MTPN: variants seen among roughly 807,000 people sequenced by gnomAD.
MTPN encodes granule cell differentiation protein.
Under a neutral mutation model 13.5 loss-of-function variants are expected in MTPN, and 2 were observed. That is an observed-to-expected ratio of 0.15 (90% confidence interval 0.06 to 0.47). The LOEUF (loss-of-function observed/expected upper bound fraction) is 0.47, where lower values mean the gene tolerates loss of function less well. Ranked by LOEUF, MTPN falls within the 20% of genes least tolerant of loss-of-function variation. The probability of loss-of-function intolerance (pLI) is 0.97; values close to 1 mark genes in which losing one functional copy is unlikely to be tolerated. For synonymous variants in MTPN, 46 were observed against 51.7 expected, an observed-to-expected ratio of 0.89 and a Z score of 0.48; for missense variants, 79 against 137.9, an observed-to-expected ratio of 0.57 and a Z score of 2.14.
At chr7:135,974,122 T>C (rs1031546314) in intron 1 of MTPN, among the ~76,000 whole-genome samples, 4 of 152,236 alleles carry the variant, frequency 2.6e-5, no homozygotes, top group Admixed American at 6.5e-5. Context: ...CTGACTTTTC[T>C]AAGTTCAAGA....
At chr7:135,956,802 C>T (rs1584814835) in intron 1 of MTPN, among the ~76,000 whole-genome samples, 1 of 152,290 alleles carries the variant, frequency 6.6e-6, no homozygotes, top group East Asian at 1.9e-4. Flanking sequence ...CACAGCTCTT[C>T]CACTAAAAAA....
intron 3 of MTPN, among the ~76,000 whole-genome samples, chr7:135,942,331 C>G (rs1799228188): frequency 6.6e-6 from 1 of 152,176 alleles, no homozygotes; most frequent in East Asian, 1.9e-4. Context: ...TCCTGAGAAG[C>G]ACATCAATCC....
intron 1 of MTPN, among the ~76,000 whole-genome samples, chr7:135,972,221 GCA>G (rs1391817941): frequency 1.1e-3 from 105 of 96,218 alleles, no homozygotes; most frequent in Admixed American, 2.4e-3. Context: ...GCGCACACGC[GCA>G]CGCGCGCGCA....
rs532237332 is a variant in MTPN at position 135,973,835 on chromosome 7, C to T, written c.72+3194G>A. ...TGCTTACGTTTCCTGAAAACTGTGT[C>T]GAACTTCTGTACTATCATCCCAGGA... On this transcript the variant is annotated intron_variant, in intron 1 of 3. Coordinates refer to ENST00000393085, the MANE Select transcript of MTPN (RefSeq NM_145808.4). Among the ~76,000 whole-genome samples, 19 of 152,172 alleles carry T rather than the reference C, an allele frequency of 1.2e-4. No homozygotes were observed. In the South Asian group the frequency reaches 1.7e-3, roughly 13 times the overall value.
At chr7:135,944,936 C>A (rs570496969) in intron 3 of MTPN, among the ~76,000 whole-genome samples, 2 of 152,084 alleles carry the variant, frequency 1.3e-5, no homozygotes, top group Non-Finnish European at 2.9e-5. Context: ...ATAGAGTGTC[C>A]TTACATAAAC....
At chr7:135,975,734 A>G (rs1415144598) in intron 1 of MTPN, among the ~76,000 whole-genome samples, 2 of 152,258 alleles carry the variant, frequency 1.3e-5, no homozygotes, top group African/African-American at 2.4e-5. Flanking sequence ...GAAATAGCCA[A>G]TAAGTCAAGT....
At chr7:135,967,557 C>A (rs1295655221) in intron 1 of MTPN, among the ~76,000 whole-genome samples, 4 of 152,136 alleles carry the variant, frequency 2.6e-5, no homozygotes, top group Non-Finnish European at 5.9e-5. Flanking sequence ...TGGTCAAGGG[C>A]TTTCACACTT....
chr7:135,949,532 T>C (rs1405036228), intron 3 of MTPN, among the ~76,000 whole-genome samples: 1 of 152,146 alleles, frequency 6.6e-6, no homozygotes, highest in Non-Finnish European at 1.5e-5. Context: ...ACAAACATAT[T>C]TAAAGAAATC....
intron 1 of MTPN, among the ~76,000 whole-genome samples, chr7:135,965,609 TG>T (rs967472223): frequency 3.3e-5 from 5 of 152,236 alleles, no homozygotes; most frequent in Non-Finnish European, 5.9e-5. Flanking sequence ...TTACTTTTAG[TG>T]AGACTGTATA....
intron 1 of MTPN, among the ~76,000 whole-genome samples, chr7:135,967,468 C>T (rs992777574): frequency 2.0e-5 from 3 of 152,068 alleles, no homozygotes; most frequent in East Asian, 1.9e-4. Flanking sequence ...AATGGTGTAG[C>T]GGAAAACCAA....
chr7:135,943,942 T>C (rs769962436), intron 3 of MTPN, among the ~76,000 whole-genome samples: 9 of 152,234 alleles, frequency 5.9e-5, no homozygotes, highest in Non-Finnish European at 1.2e-4. Context: ...AAAACTGCAA[T>C]GTTTTGAAAC....
chr7:135,943,299 T>C (rs1283564685), intron 3 of MTPN, among the ~76,000 whole-genome samples: 1 of 152,188 alleles, frequency 6.6e-6, no homozygotes, highest in Non-Finnish European at 1.5e-5. Flanking sequence ...CCAATTTGCT[T>C]ATGCTAAAAA....
chr7:135,940,137 TTG>T (rs1422951732), intron 3 of MTPN, among the ~76,000 whole-genome samples: 2 of 152,206 alleles, frequency 1.3e-5, no homozygotes, highest in African/African-American at 4.8e-5. Context: ...AGGCAACTGT[TTG>T]TAGTTCCATG....
At chr7:135,957,029 T>C (rs1812692679) in intron 1 of MTPN, among the ~76,000 whole-genome samples, 1 of 152,230 alleles carries the variant, frequency 6.6e-6, no homozygotes, top group Non-Finnish European at 1.5e-5. Context: ...AAAGCTTCCC[T>C]TTACTCTTAA....
At chr7:135,933,458 C>T (rs1799058960) in intron 3 of MTPN, among the ~76,000 whole-genome samples, 1 of 152,080 alleles carries the variant, frequency 6.6e-6, no homozygotes, top group South Asian at 2.1e-4. Flanking sequence ...CTCAACCTTC[C>T]CATCACTCCC....
intron 1 of MTPN, among the ~76,000 whole-genome samples, chr7:135,960,130 C>T (rs1055178136): frequency 8.6e-5 from 13 of 151,948 alleles, no homozygotes; most frequent in African/African-American, 3.1e-4. Flanking sequence ...GAATCTGTAG[C>T]CATAAAAGGC....
intron 1 of MTPN, among the ~76,000 whole-genome samples, chr7:135,969,224 A>G (rs1477922928): frequency 6.9e-6 from 1 of 144,068 alleles, no homozygotes; most frequent in African/African-American, 2.6e-5. Flanking sequence ...TGTACCCTAA[A>G]ACTTAAAGTA....
chr7:135,933,109 A>C (rs912607303), intron 3 of MTPN, among the ~76,000 whole-genome samples: 1 of 151,746 alleles, frequency 6.6e-6, no homozygotes, highest in African/African-American at 2.4e-5. Flanking sequence ...AAAAAAAAAA[A>C]AAAAAAAAAA....
chr7:135,972,223 ACGCG>A lies in MTPN; in HGVS notation c.72+4802_72+4805del, dbSNP rs71531882. 1.8e-3 allele frequency among the ~76,000 whole-genome samples: 232 copies of A among 131,870 alleles called. 2 individuals carry two copies. The highest frequency in any genetic ancestry group is 6.3e-3 in the African/African-American group (215 of 34,184). 86.5% of individuals were successfully genotyped at this position (131,870 alleles called of 152,430 possible). On this transcript the variant is annotated intron_variant, in intron 1 of 3. Coordinates refer to ENST00000393085, the MANE Select transcript of MTPN (RefSeq NM_145808.4). ...TATAAATACACACGCGCACACGCGC[ACGCG>A]CGCGCACACACACACACACACACAC...
Sources: gnomAD v4.1 joint callset for allele counts (sites outside exome capture counted in the v4.1 genomes callset) on GRCh38, gnomAD v4.1.1 for gene constraint, MANE v1.5 for transcripts, NCBI Gene and HGNC (gene_info 2026-07-23, HGNC 2026-07-21) for gene names.